The following COL26A1 variants were observed in gnomAD, a reference collection of about 807,000 sequenced individuals.
COL26A1 encodes the protein collagen alpha-1(XXVI) chain.
COL26A1 carries 41 observed loss-of-function variants against 59.3 expected under a neutral mutation model. The observed-to-expected ratio is 0.69, with a 90% confidence interval of 0.54 to 0.90. The LOEUF is 0.90. COL26A1 is among the 40% of genes least tolerant of loss of function. The probability of loss-of-function intolerance (pLI) is 0.00; values close to 1 mark genes in which losing one functional copy is unlikely to be tolerated. For synonymous variants in COL26A1, 266 were observed against 256.0 expected (o/e 1.04, Z -0.37); for missense variants, 612 against 602.3 (o/e 1.02, Z -0.17).
rs141091414 is a variant in COL26A1, at chr7:101,512,330, A to T, written c.386-20752A>T. Among the ~76,000 whole-genome samples the T allele has an allele frequency of 2.8e-3, 431 of 152,296 alleles. 3 individuals carry two copies. The East Asian group carries it at 0.033, about 12-fold the overall frequency. On this transcript the variant is annotated intron_variant, in intron 3 of 12. Transcript: ENST00000313669. ...GGGGAAAATTTGGCTGGAAAAAATC[A>T]AAACCTAGCCAGGTGTGGTGGCTCA...
intron 9 of COL26A1, among the ~76,000 whole-genome samples, chr7:101,550,332 G>A (rs542220096): frequency 8.5e-5 from 13 of 152,104 alleles, no homozygotes; most frequent in Admixed American, 8.5e-4. Flanking sequence ...GTGGTGGCGT[G>A]CGCCTGTAGT....
At chr7:101,458,845 G>A (rs1249660466) in intron 3 of COL26A1, among the ~76,000 whole-genome samples, 1 of 147,366 alleles carries the variant, frequency 6.8e-6, no homozygotes, top group Admixed American at 6.9e-5. Context: ...TTTGTTGCTC[G>A]GCCTGGAGTG....
At chr7:101,544,221 C>T (rs752146591) in intron 6 of COL26A1, 125 bp downstream of exon 6, 41 of 660,770 alleles carry the variant, frequency 6.2e-5, no homozygotes, top group South Asian at 1.4e-4. Flanking sequence ...ACCAGAAAAA[C>T]GGGGTCTTTT....
intron 1 of COL26A1, among the ~76,000 whole-genome samples, chr7:101,376,744 C>A (rs1284043024): frequency 2.0e-5 from 3 of 152,152 alleles, no homozygotes; most frequent in African/African-American, 7.2e-5. Flanking sequence ...CCACTTTGGG[C>A]GTCAGTGCAG....
At chr7:101,382,507 T>G (rs1454477642) in intron 1 of COL26A1, among the ~76,000 whole-genome samples, 1 of 152,248 alleles carries the variant, frequency 6.6e-6, no homozygotes, top group African/African-American at 2.4e-5. Context: ...TGAACTCTTA[T>G]TTTCTACTGA....
At chr7:101,534,021 A>C (rs935239448) in intron 4 of COL26A1, among the ~76,000 whole-genome samples, 1 of 152,206 alleles carries the variant, frequency 6.6e-6, no homozygotes, top group Non-Finnish European at 1.5e-5. Context: ...TCTCACCCAG[A>C]GGGCTTGGTA....
rs529762419 is a variant in COL26A1, at chr7:101,370,305, C to T, written c.158+7115C>T. The stretch of plus-strand genomic sequence containing the variant: ...AAGACTAAAGATGAAGACCATTCAC[C>T]ATTTGGCTAGATATTTAAAAGTATA... On this transcript the variant is annotated intron_variant, in intron 1 of 12. Transcript: ENST00000313669. 2.6e-5 allele frequency among the ~76,000 whole-genome samples: 4 copies of T among 152,270 alleles called. No homozygotes were observed. The South Asian group carries it at 8.3e-4, about 32-fold the overall frequency.
At chr7:101,539,836 C>A (rs1216019444) in intron 4 of COL26A1, 57 bp from the exon 5 acceptor site, 30 of 1,551,142 alleles carry the variant, frequency 1.9e-5, no homozygotes, top group Non-Finnish European at 2.5e-5. Flanking sequence ...GTGTGTCACG[C>A]ATGTCCCTAT....
At chr7:101,470,790 A>T (rs12672352) in intron 3 of COL26A1, among the ~76,000 whole-genome samples, 18,161 of 151,846 alleles carry the variant, frequency 0.12, 1,695 homozygotes, top group East Asian at 0.3. Context: ...GTTGATTAAC[A>T]CAATCTCATC....
At chr7:101,428,129 A>C (rs543017457) in intron 2 of COL26A1, among the ~76,000 whole-genome samples, 1 of 152,266 alleles carries the variant, frequency 6.6e-6, no homozygotes, top group South Asian at 2.1e-4. Flanking sequence ...TGTCAACTTA[A>C]GCAACAGAGA....
At chr7:101,387,258 T>A (rs1467783553) in intron 1 of COL26A1, among the ~76,000 whole-genome samples, 1 of 151,690 alleles carries the variant, frequency 6.6e-6, no homozygotes, top group Non-Finnish European at 1.5e-5. Context: ...AAACCAAATG[T>A]TCGTGTCAGG....
Position 101,363,008 on chromosome 7 carries a change from G to T in COL26A1, c.-25G>T. 6.4e-7 allele frequency: 1 copy of T among 1,560,456 alleles called. No homozygotes were observed. Among genetic ancestry groups the T allele is most frequent in the South Asian group, 1.2e-5 (1 of 86,144 alleles). On this transcript the variant is annotated 5_prime_UTR_variant, in exon 1 of 13. Coordinates refer to ENST00000313669, the MANE Select transcript of COL26A1 (RefSeq NM_001278563.3). ...TGCCGGTCCTCGTGCCCGGGACTCCGGGTCCCCGCGGGCTGCTGCGCACGA... is the reference window on the plus strand; with the variant it reads ...TGCCGGTCCTCGTGCCCGGGACTCCTGGTCCCCGCGGGCTGCTGCGCACGA...
intron 1 of COL26A1, among the ~76,000 whole-genome samples, chr7:101,372,208 C>T (rs1791211282): frequency 6.6e-6 from 1 of 151,646 alleles, no homozygotes; most frequent in East Asian, 2.0e-4. Flanking sequence ...CTGTGTTGCC[C>T]AGGCTGGAGT....
At chr7:101,470,665 C>G (rs117750321) in intron 3 of COL26A1, among the ~76,000 whole-genome samples, 1 of 151,982 alleles carries the variant, frequency 6.6e-6, no homozygotes, top group Non-Finnish European at 1.5e-5. Context: ...TCTGAGTATC[C>G]GCTGTCCCAG....
chr7:101,507,073 C>T (rs1794826844), intron 3 of COL26A1, among the ~76,000 whole-genome samples: 1 of 152,096 alleles, frequency 6.6e-6, no homozygotes, highest in Non-Finnish European at 1.5e-5. Context: ...TACCACCACG[C>T]CTGGCTAATT....
At chr7:101,387,556 T>G (rs1791606221) in intron 1 of COL26A1, among the ~76,000 whole-genome samples, 1 of 148,756 alleles carries the variant, frequency 6.7e-6, no homozygotes, top group African/African-American at 2.5e-5. Context: ...CTTCTTTTTA[T>G]TTTTATTTTT....
At chr7:101,507,350 C>T (rs555285899) in intron 3 of COL26A1, among the ~76,000 whole-genome samples, 3 of 152,302 alleles carry the variant, frequency 2.0e-5, no homozygotes, top group East Asian at 1.9e-4. Flanking sequence ...CCCAACATCC[C>T]GTGGATTCTT....
At chr7:101,368,806 A>G (rs933572173) in intron 1 of COL26A1, among the ~76,000 whole-genome samples, 1 of 152,202 alleles carries the variant, frequency 6.6e-6, no homozygotes, top group Non-Finnish European at 1.5e-5. Context: ...ACTTCAAAGT[A>G]GTACTATAAT....
At position 101,395,999 on chromosome 7, in the gene COL26A1, T is replaced by C. The variant is rs149116946; in HGVS notation, c.159-23978T>C. Among the ~76,000 whole-genome samples the C allele has an allele frequency of 1.2e-3, 179 of 152,268 alleles. 1 individual carries two copies. Among genetic ancestry groups the C allele is most frequent in the Admixed American group, 9.3e-3 (142 of 15,276 alleles). On this transcript the variant is annotated intron_variant, in intron 1 of 12. Transcript: ENST00000313669. ...GTGGCCCAGCATGGTGGCTCACGCC[T>C]GTAATCCCAGCATTTTGGGAGGTTG...
Sources: allele counts gnomAD v4.1 joint callset (sites outside exome capture counted in the v4.1 genomes callset), GRCh38; gene constraint gnomAD v4.1.1; transcripts MANE v1.5; gene names NCBI Gene and HGNC (gene_info 2026-07-23, HGNC 2026-07-21).